The following ZNF398 variants were observed in gnomAD, a reference collection of about 807,000 sequenced individuals.
ZNF398 encodes zinc finger protein 398, also known as zinc finger DNA binding protein ZER6.
ZNF398 carries 18 observed loss-of-function variants against 41.9 expected under a neutral mutation model. The observed-to-expected ratio is 0.43, with a 90% CI of 0.30 to 0.64. The LOEUF (loss-of-function observed/expected upper bound fraction) is 0.64. ZNF398 is among the 30% of genes least tolerant of loss of function. ZNF398 has a pLI of 0.14. For missense variants in ZNF398, 669 were observed against 822.8 expected (o/e 0.81, Z 2.29); for synonymous variants, 260 against 308.8 (o/e 0.84, Z 1.66).
chr7:149,171,275 T>C (rs1795336224), intron 4 of ZNF398, among the ~76,000 whole-genome samples: 1 of 152,056 alleles, frequency 6.6e-6, no homozygotes, highest in Non-Finnish European at 1.5e-5. Context: ...TTTCTGACTT[T>C]TGTAATAACA....
Position 149,179,359 on chromosome 7 carries a change from C to G in ZNF398, c.1487C>G (p.Ser496Trp). The change falls in exon 6 of 6, where the codon TCG becomes TGG. Residue 496 changes from serine to tryptophan, a missense_variant. Around this residue, in one of 3 missense-constraint regions of ZNF398, gnomAD observed 210 missense variants for 290.4 expected, o/e 0.72. Transcript: ENST00000475153. The surrounding 1 kb of genome is among the most constrained non-coding windows in gnomAD (Gnocchi z 6.1). ...PQCGIDFNGHSALIRHQMIHT... is the reference protein window; with the variant it reads ...PQCGIDFNGHWALIRHQMIHT... ...TGTGGCATTGACTTCAACGGCCACT[C>G]GGCCCTGATCCGCCACCAGATGATC... 1 of 1,612,258 alleles carries G rather than the reference C, an allele frequency of 6.2e-7. No individual in the cohort carries two copies. The highest frequency in any genetic ancestry group is 1.1e-5 in the South Asian group (1 of 91,042).
chr7:149,136,391 G>A (rs1210378016), intron 2 of ZNF398, among the ~76,000 whole-genome samples: 1 of 151,826 alleles, frequency 6.6e-6, no homozygotes, highest in Non-Finnish European at 1.5e-5. Context: ...TCCCAGACGG[G>A]TTGGCGGCCG....
Position 149,179,878 on chromosome 7 carries a change from A to G in ZNF398, c.*77A>G, listed in dbSNP as rs150080417. 1.5e-6 allele frequency: 2 copies of G among 1,303,492 alleles called. No individual in the cohort carries two copies. The highest frequency in any genetic ancestry group is 2.5e-5 in the Admixed American group (1 of 39,508). 80.7% of individuals were successfully genotyped at this position (1,303,492 alleles called of 1,614,324 possible). On this transcript the variant is annotated 3_prime_UTR_variant, in exon 6 of 6. Coordinates refer to ENST00000475153, the MANE Select transcript of ZNF398 (RefSeq NM_170686.3). This position sits in a 1 kb window ranked among gnomAD's most constrained non-coding sequence, Gnocchi z 6.1. ...ATCCAAGAGAAGGTCTGTGAGCCCCATCCAACACCCACAGTAATTATTATC... is the reference window on the plus strand; with the variant it reads ...ATCCAAGAGAAGGTCTGTGAGCCCCGTCCAACACCCACAGTAATTATTATC...
chr7:149,132,535 T>A (rs1422513712), intron 2 of ZNF398, among the ~76,000 whole-genome samples: 1 of 152,040 alleles, frequency 6.6e-6, no homozygotes, highest in Non-Finnish European at 1.5e-5. Context: ...GAGGCACCCG[T>A]ATGGGACCTC....
At chr7:149,130,445 C>T (rs1826573603) in intron 2 of ZNF398, among the ~76,000 whole-genome samples, 1 of 152,152 alleles carries the variant, frequency 6.6e-6, no homozygotes, top group Non-Finnish European at 1.5e-5. Flanking sequence ...CATTTGCATA[C>T]AGGTTTTTGT....
At chr7:149,132,392 C>T (rs1826615459) in intron 2 of ZNF398, among the ~76,000 whole-genome samples, 1 of 151,998 alleles carries the variant, frequency 6.6e-6, no homozygotes, top group African/African-American at 2.4e-5. Context: ...TGGGGTTTCT[C>T]CATGTTTGTC....
intron 2 of ZNF398, among the ~76,000 whole-genome samples, chr7:149,129,811 AT>A (rs1826562312): frequency 6.6e-6 from 1 of 151,474 alleles, no homozygotes. Context: ...TTATTTATTT[AT>A]TTTTTGAGAT....
intron 4 of ZNF398, among the ~76,000 whole-genome samples, chr7:149,172,290 G>A (rs1022246290): frequency 1.3e-5 from 2 of 152,104 alleles, no homozygotes; most frequent in Non-Finnish European, 2.9e-5. Context: ...ATTCTGAGTA[G>A]TATGATGAAA....
At chr7:149,129,752 G>A (rs1233621784) in intron 2 of ZNF398, among the ~76,000 whole-genome samples, 1 of 151,848 alleles carries the variant, frequency 6.6e-6, no homozygotes, top group African/African-American at 2.4e-5. Context: ...TCCATTGAAG[G>A]ATATTTGTAT....
At chr7:149,177,522 G>T (rs1472894999) in intron 5 of ZNF398, among the ~76,000 whole-genome samples, 1 of 152,198 alleles carries the variant, frequency 6.6e-6, no homozygotes. Flanking sequence ...TACCTTAAAA[G>T]ATTGGTATGA....
chr7:149,143,830 AC>A (rs985999078), upstream of ZNF398, among the ~76,000 whole-genome samples: 9 of 151,116 alleles, frequency 6.0e-5, no homozygotes, highest in African/African-American at 1.9e-4. Context: ...CAAACAAACA[AC>A]CCCCCAAAAA....
At chr7:149,155,700 TATATATA>T (rs1390035370) in intron 2 of ZNF398, among the ~76,000 whole-genome samples, 10,983 of 55,524 alleles carry the variant, frequency 0.2, 460 homozygotes, top group Middle Eastern at 0.3. Context: ...TATATATATA[TATATATA>T]TTTTTTTTTT....
intron 4 of ZNF398, 48 bp from the exon 5 acceptor site, chr7:149,176,420 T>A: frequency 8.2e-7 from 1 of 1,221,168 alleles, no homozygotes; most frequent in Non-Finnish European, 1.2e-6. Context: ...TATCTTACCT[T>A]CTTATTCAAG....
upstream of ZNF398, chr7:149,147,451 G>T: frequency 4.2e-6 from 1 of 238,414 alleles, no homozygotes; most frequent in Non-Finnish European, 8.0e-6. The surrounding 1 kb of genome is among the most constrained non-coding windows in gnomAD (Gnocchi z 5.6). Flanking sequence ...GCGGTTCCCG[G>T]TGCACTCGCT....
At chr7:149,173,091 C>CTTTTTTTTTTTTTTT (rs1795382614) in intron 4 of ZNF398, among the ~76,000 whole-genome samples, 7 of 67,194 alleles carry the variant, frequency 1.0e-4, no homozygotes, top group African/African-American at 3.2e-4. Flanking sequence ...GTGGCAATTT[C>CTTTTTTTTTTTTTTT]TATTTTTTTT....
chr7:149,167,412 G>C (rs1795246722), intron 4 of ZNF398, among the ~76,000 whole-genome samples: 1 of 151,974 alleles, frequency 6.6e-6, no homozygotes, highest in African/African-American at 2.4e-5. Flanking sequence ...CTAACTTTTT[G>C]GTTGGCAGCT....
chr7:149,167,383 T>G (rs1258738945), intron 4 of ZNF398, among the ~76,000 whole-genome samples: 2 of 152,342 alleles, frequency 1.3e-5, no homozygotes, highest in East Asian at 3.9e-4. Context: ...TCTGGGAAGC[T>G]GGCTATCATG....
chr7:149,147,777 C>A lies in ZNF398; in HGVS notation c.24+11C>A. 7.2e-7 allele frequency: 1 copy of A among 1,393,648 alleles called. No homozygotes were observed. Among genetic ancestry groups the A allele is most frequent in the South Asian group, 1.6e-5 (1 of 64,286 alleles). The allele number at this position is 1,393,648 out of a possible 1,614,324, so 86.3% of individuals were successfully genotyped here. ...GCGGCCCCGGCCCCGGTAAGGGCGG[C>A]CGCGCGCGAGTGTTGTGAGCCCCCG... On this transcript the variant is annotated intron_variant, in intron 1 of 5. Coordinates refer to ENST00000475153, the MANE Select transcript of ZNF398 (RefSeq NM_170686.3). The surrounding 1 kb of genome is among the most constrained non-coding windows in gnomAD (Gnocchi z 5.6).
At chr7:149,139,581 C>T (rs368908967) in intron 2 of ZNF398, among the ~76,000 whole-genome samples, 1 of 151,576 alleles carries the variant, frequency 6.6e-6, no homozygotes, top group Non-Finnish European at 1.5e-5. Context: ...ATTAGCTGGG[C>T]GTAGTGGCAC....
Sources: gnomAD v4.1 joint callset for allele counts (sites outside exome capture counted in the v4.1 genomes callset) on GRCh38, gnomAD v4.1.1 for gene constraint, gnomAD v4.1.1 regional missense constraint, Gnocchi (gnomAD v3.1) non-coding constraint, MANE v1.5 for transcripts, NCBI Gene and HGNC (gene_info 2026-07-23, HGNC 2026-07-21) for gene names.